WDR43: variants seen among roughly 807,000 people sequenced by gnomAD.
WDR43 encodes WD repeat-containing protein 43.
WDR43 carries 13 observed loss-of-function variants against 91.4 expected under a neutral mutation model. That is an observed-to-expected ratio of 0.14 (90% confidence interval 0.09 to 0.23). The LOEUF is 0.23. Among genes scored for constraint, WDR43 ranks in the 10% least tolerant of loss-of-function variants. The pLI is 1.00. For synonymous variants in WDR43, 331 were observed against 287.9 expected (o/e 1.15, Z -1.51); for missense variants, 780 against 809.4 (o/e 0.96, Z 0.44).
intron 5 of WDR43, among the ~76,000 whole-genome samples, 162 bp downstream of exon 5, chr2:28,914,370 C>G (rs1015180055): frequency 2.0e-5 from 3 of 152,162 alleles, no homozygotes; most frequent in African/African-American, 7.2e-5. Flanking sequence ...ACAGATCTTT[C>G]TGAGAAAAAA....
chr2:28,902,361 A>C (rs1670593684), intron 2 of WDR43, among the ~76,000 whole-genome samples: 1 of 152,242 alleles, frequency 6.6e-6, no homozygotes, highest in Admixed American at 6.5e-5. Context: ...AAAATAAGGA[A>C]GGGTTACAGG....
In WDR43 at chr2:28,894,912, C is replaced by T; in HGVS notation, c.214C>T (p.Leu72=). The T allele has an allele frequency of 6.3e-7, 1 of 1,591,810 alleles. No homozygotes were observed. The highest frequency in any genetic ancestry group is 8.5e-7 in the Non-Finnish European group (1 of 1,169,922). Residue 72 remains leucine (L), a synonymous_variant, in exon 1 of 18, where the codon CTG becomes TTG. Coordinates refer to ENST00000407426, the MANE Select transcript of WDR43 (RefSeq NM_015131.3). Reference sequence around the variant, plus strand: ...CTGTCTGGCCTGGGCGCCAGCGCGGCTGCAGGCCAAGGTAAAGCGAGCGGG... The same window carrying T: ...CTGTCTGGCCTGGGCGCCAGCGCGGTTGCAGGCCAAGGTAAAGCGAGCGGG... ...CTCLAWAPAR[L]QAKESPQRKK... is the part of the protein sequence containing the mutation.
At chr2:28,922,529 G>A (rs1403029515) in intron 6 of WDR43, among the ~76,000 whole-genome samples, 1 of 152,182 alleles carries the variant, frequency 6.6e-6, no homozygotes, top group East Asian at 1.9e-4. Flanking sequence ...ATTGACCGGG[G>A]ATGGAGGAAG....
chr2:28,923,282 A>G (rs1442534815), intron 7 of WDR43, among the ~76,000 whole-genome samples: 2 of 152,070 alleles, frequency 1.3e-5, no homozygotes, highest in Non-Finnish European at 2.9e-5. Context: ...AACCTTGATG[A>G]TGTTTTATTT....
chr2:28,902,176 T>G (rs1417800402), intron 2 of WDR43, 52 bp downstream of exon 2: 6 of 1,499,870 alleles, frequency 4.0e-6, no homozygotes, highest in Admixed American at 2.4e-5. Flanking sequence ...AAGCTGATTA[T>G]TAGAGATTAT....
intron 4 of WDR43, 70 bp from the exon 5 acceptor site, chr2:28,913,999 A>G (rs1572587417): frequency 4.5e-6 from 7 of 1,562,026 alleles, no homozygotes; most frequent in Admixed American, 1.8e-5. Flanking sequence ...GCTTGTTTTG[A>G]TAATATATAC....
chr2:28,906,694 C>A, intron 3 of WDR43, 113 bp downstream of exon 3: 2 of 1,294,188 alleles, frequency 1.5e-6, no homozygotes, highest in Non-Finnish European at 1.0e-6. Context: ...AACTTTTAAT[C>A]AAATCGAGCA....
chr2:28,914,029 T>C, intron 4 of WDR43, 40 bp from the exon 5 acceptor site: 1 of 1,606,790 alleles, frequency 6.2e-7, no homozygotes, highest in Non-Finnish European at 8.5e-7. Context: ...TTGTCCCTGC[T>C]TTGAATCTGC....
chr2:28,941,362 G>C, intron 14 of WDR43, 99 bp from the exon 15 acceptor site: 1 of 819,032 alleles, frequency 1.2e-6, no homozygotes. Flanking sequence ...GCAGATGTGT[G>C]TGGTGCAGTG....
chr2:28,941,019 A>G (rs1232640046), intron 14 of WDR43, among the ~76,000 whole-genome samples: 1 of 152,180 alleles, frequency 6.6e-6, no homozygotes, highest in Non-Finnish European at 1.5e-5. Flanking sequence ...GAGCTGGGAA[A>G]AGGCTTCTCT....
intron 1 of WDR43, among the ~76,000 whole-genome samples, chr2:28,898,440 T>G (rs1009762291): frequency 2.0e-5 from 3 of 152,248 alleles, no homozygotes; most frequent in Non-Finnish European, 4.4e-5. Flanking sequence ...AATAGAAGTT[T>G]CTGTGTATTA....
intron 2 of WDR43, among the ~76,000 whole-genome samples, chr2:28,903,334 G>GT (rs1670613618): frequency 6.6e-6 from 1 of 151,964 alleles, no homozygotes; most frequent in South Asian, 2.1e-4. Flanking sequence ...GAGCCAAAGG[G>GT]TTGCTATATA....
Position 28,912,534 on chromosome 2 carries a change from C to G in WDR43, c.486-56C>G. On this transcript the variant is annotated intron_variant, in intron 3 of 17. Transcript: ENST00000407426. ...GTTTGTTTTTTTGTTATTTTCTGCT[C>G]TGAGTAAAGTTTTCTCTCATGTATT... 6.4e-7 allele frequency: 1 copy of G among 1,571,986 alleles called. No individual in the cohort carries two copies. The highest frequency in any genetic ancestry group is 8.6e-7 in the Non-Finnish European group (1 of 1,159,542).
intron 5 of WDR43, among the ~76,000 whole-genome samples, chr2:28,914,697 G>A (rs1001645244): frequency 3.3e-5 from 5 of 152,266 alleles, no homozygotes; most frequent in South Asian, 2.1e-4. Flanking sequence ...TTGGGAGGCC[G>A]AGGCGGGCGG....
intron 11 of WDR43, among the ~76,000 whole-genome samples, chr2:28,934,625 T>C (rs1671305468): frequency 6.6e-6 from 1 of 152,176 alleles, no homozygotes; most frequent in Admixed American, 6.5e-5. Context: ...TAGAAAATCA[T>C]TACTAATTAC....
chr2:28,915,809 C>T (rs1480310407), intron 5 of WDR43, among the ~76,000 whole-genome samples: 6 of 151,752 alleles, frequency 4.0e-5, no homozygotes, highest in Admixed American at 3.3e-4. Context: ...AGATACTGTG[C>T]AGTGGTCTGA....
chr2:28,945,509 AT>A (rs1276318498), intron 16 of WDR43, among the ~76,000 whole-genome samples: 4 of 152,214 alleles, frequency 2.6e-5, no homozygotes, highest in African/African-American at 9.7e-5. Context: ...ATTTCACAGA[AT>A]GCCCCACCTT....
At chr2:28,927,817 C>A in intron 10 of WDR43, 117 bp downstream of exon 10, 1 of 1,302,722 alleles carries the variant, frequency 7.7e-7, no homozygotes, top group South Asian at 1.5e-5. Context: ...TGAGATTTCT[C>A]CTGTTATGCT....
At chr2:28,922,817 G>GTT in intron 6 of WDR43, 102 bp from the exon 7 acceptor site, 15 of 275,634 alleles carry the variant, frequency 5.4e-5, no homozygotes, top group South Asian at 1.4e-4. Flanking sequence ...TTTTTTTTCT[G>GTT]GTTGTGTAAT....
Sources: gnomAD v4.1 joint callset for allele counts (sites outside exome capture counted in the v4.1 genomes callset) on GRCh38, gnomAD v4.1.1 for gene constraint, MANE v1.5 for transcripts, NCBI Gene and HGNC (gene_info 2026-07-23, HGNC 2026-07-21) for gene names.